The following ZFHX3 variants were observed in gnomAD, a reference collection of about 807,000 sequenced individuals.
ZFHX3 encodes zinc finger homeobox 3.
A neutral mutation model predicts 279.1 loss-of-function variants in ZFHX3; 42 were observed. That is an observed-to-expected ratio of 0.15 (90% CI 0.12 to 0.19). The LOEUF (loss-of-function observed/expected upper bound fraction) is 0.19, where lower values mean the gene tolerates loss of function less well. ZFHX3 is among the 10% of genes least tolerant of loss of function. ZFHX3 has a pLI of 1.00. For synonymous variants in ZFHX3, 2,293 were observed against 1,957.8 expected, an observed-to-expected ratio of 1.17 and a Z score of -4.52; for missense variants, 4,981 against 4,754.0, an observed-to-expected ratio of 1.05 and a Z score of -1.40.
chr16:73,131,531 CACAGAGAG>C (rs1188829850), intron 6 of ZFHX3, among the ~76,000 whole-genome samples: 1 of 152,140 alleles, frequency 6.6e-6, no homozygotes. Flanking sequence ...AAGAGGGGAA[CACAGAGAG>C]ACAGAGAGAC....
Position 73,359,267 on chromosome 16 carries a change from TA to T in ZFHX3, c.-1290-40932del, listed in dbSNP as rs1386458740. ...GATTTACCTAGGCAAGAAAGATTAT[TA>T]GACTCGAAGTGGGCACAAAAGGAAG... On this transcript the variant is annotated intron_variant, in intron 3 of 17. Coordinates refer to the ZFHX3 transcript ENST00000641206. Among the ~76,000 whole-genome samples, 5 of 151,732 alleles carry T rather than the reference TA, an allele frequency of 3.3e-5. 1 individual carries two copies. Among genetic ancestry groups the T allele is most frequent in the Non-Finnish European group, 7.4e-5 (5 of 67,988 alleles).
intron 3 of ZFHX3, among the ~76,000 whole-genome samples, chr16:73,419,070 G>A (rs1335198561): frequency 2.0e-5 from 3 of 152,214 alleles, no homozygotes; most frequent in Admixed American, 6.5e-5. Flanking sequence ...CAACTTCAGC[G>A]ACGTTTGACA....
intron 1 of ZFHX3, among the ~76,000 whole-genome samples, chr16:73,020,977 C>G (rs1200244313): frequency 6.6e-6 from 1 of 152,164 alleles, no homozygotes; most frequent in Middle Eastern, 3.4e-3. Flanking sequence ...GAGATGTGTC[C>G]CCACTCTGCA....
At chr16:72,927,658 C>A (rs908776797) in intron 3 of ZFHX3, among the ~76,000 whole-genome samples, 1 of 151,860 alleles carries the variant, frequency 6.6e-6, no homozygotes, top group Admixed American at 6.5e-5. Flanking sequence ...GCAGGCCCTC[C>A]GCACAGCCCC....
intron 5 of ZFHX3, among the ~76,000 whole-genome samples, chr16:73,195,388 T>C (rs911175831): frequency 1.3e-5 from 2 of 151,290 alleles, no homozygotes; most frequent in African/African-American, 4.8e-5. Flanking sequence ...ACAGAAATAC[T>C]ACAAAATATG....
In ZFHX3 at chr16:72,796,448, C is replaced by T. The variant is rs764333385; in HGVS notation, c.6234G>A (p.Pro2078=). ...GGGTGAGCGGCACTGATGGCTGGGC[C>T]GGTGCAATTGTAGGTGAGGTGATGG... is the stretch of plus-strand genomic sequence containing the variant. ...APPITSPTIA[P]AQPSVPLTQL... The change falls in exon 9 of 10, where the codon CCG becomes CCA. Residue 2078 remains proline (P), a synonymous_variant. Transcript: ENST00000268489. The T allele has an allele frequency of 6.9e-6, 11 of 1,589,820 alleles. No homozygotes were observed. Among genetic ancestry groups the T allele is most frequent in the Admixed American group, 1.7e-5 (1 of 58,740 alleles).
chr16:73,644,861 G>A (rs1278214437), intron 2 of ZFHX3, among the ~76,000 whole-genome samples: 1 of 152,112 alleles, frequency 6.6e-6, no homozygotes, highest in Non-Finnish European at 1.5e-5. Context: ...GAGCCCCTGT[G>A]TGTGACTTCC....
intron 1 of ZFHX3, among the ~76,000 whole-genome samples, chr16:73,784,103 T>G (rs535064956): frequency 6.6e-6 from 1 of 151,970 alleles, no homozygotes; most frequent in South Asian, 2.1e-4. Flanking sequence ...GCCTGGCTGT[T>G]TTGGAGAGAT....
intron 2 of ZFHX3, among the ~76,000 whole-genome samples, chr16:73,588,144 A>G (rs944378141): frequency 1.3e-5 from 2 of 152,200 alleles, no homozygotes; most frequent in African/African-American, 2.4e-5. Flanking sequence ...AAACATTCCT[A>G]AAGAAGAAAA....
chr16:72,923,098 G>A (rs913026106), intron 3 of ZFHX3, among the ~76,000 whole-genome samples: 2 of 152,056 alleles, frequency 1.3e-5, no homozygotes, highest in African/African-American at 2.4e-5. Context: ...TATATGTTGT[G>A]TACATAAATA....
intron 1 of ZFHX3, among the ~76,000 whole-genome samples, chr16:72,992,144 G>C (rs934859017): frequency 2.0e-5 from 3 of 152,116 alleles, no homozygotes; most frequent in Non-Finnish European, 4.4e-5. Context: ...ACAGGTCCTA[G>C]TTTCTTCTAA....
chr16:73,574,573 G>T (rs1262932031), intron 2 of ZFHX3, among the ~76,000 whole-genome samples: 1 of 152,154 alleles, frequency 6.6e-6, no homozygotes, highest in Non-Finnish European at 1.5e-5. Flanking sequence ...AACGTGCCCA[G>T]TGAAGGTTTG....
intron 3 of ZFHX3, among the ~76,000 whole-genome samples, chr16:73,406,099 G>T (rs1256573911): frequency 6.6e-6 from 1 of 152,360 alleles, no homozygotes; most frequent in East Asian, 1.9e-4. Context: ...TCTGGACTGG[G>T]AAGCCGGCCT....
intron 2 of ZFHX3, among the ~76,000 whole-genome samples, chr16:73,463,686 C>A (rs907302473): frequency 6.6e-6 from 1 of 152,218 alleles, no homozygotes; most frequent in East Asian, 1.9e-4. Context: ...ATCAGACCCA[C>A]AGGTGTGTGT....
chr16:73,561,824 C>G (rs1216997070), intron 2 of ZFHX3, among the ~76,000 whole-genome samples: 1 of 151,974 alleles, frequency 6.6e-6, no homozygotes, highest in Non-Finnish European at 1.5e-5. Flanking sequence ...TGTTCCGGGC[C>G]CTCATAGTGT....
intron 7 of ZFHX3, among the ~76,000 whole-genome samples, chr16:73,120,951 G>A (rs1307236873): frequency 6.6e-6 from 1 of 151,750 alleles, no homozygotes; most frequent in East Asian, 1.9e-4. Context: ...ACTGTGCCGG[G>A]CCCCTATCCT....
At chr16:73,105,929 A>ACCCCCCCCCCCCCCCCC (rs34679627) in intron 7 of ZFHX3, among the ~76,000 whole-genome samples, 8 of 110,834 alleles carry the variant, frequency 7.2e-5, no homozygotes, top group African/African-American at 6.9e-5. Flanking sequence ...ATGTACACGG[A>ACCCCCCCCCCCCCCCCC]CCCCCTCCCC....
At chr16:73,380,687 C>T (rs192032375) in intron 3 of ZFHX3, among the ~76,000 whole-genome samples, 48 of 152,268 alleles carry the variant, frequency 3.2e-4, no homozygotes, top group Admixed American at 8.5e-4. Context: ...TTTAAAAATA[C>T]TTAGAGAGAA....
intron 2 of ZFHX3, among the ~76,000 whole-genome samples, chr16:73,586,389 AAAACAAAC>A (rs145424169): frequency 0.039 from 5,651 of 146,700 alleles, 140 homozygotes; most frequent in Middle Eastern, 0.06. Flanking sequence ...ACTCTATCTC[AAAACAAAC>A]AAACAAACAA....
Sources: allele counts gnomAD v4.1 joint callset (sites outside exome capture counted in the v4.1 genomes callset), GRCh38; gene constraint gnomAD v4.1.1; transcripts MANE v1.5; gene names NCBI Gene and HGNC (gene_info 2026-07-23, HGNC 2026-07-21).